Variants in NNT observed in about 807,000 individuals in gnomAD.
NNT encodes nicotinamide nucleotide transhydrogenase.
A neutral mutation model predicts 104.8 loss-of-function variants in NNT; 50 were observed. That is an observed-to-expected ratio of 0.48 (90% confidence interval 0.38 to 0.60). The LOEUF is 0.60. Ranked by LOEUF, NNT falls within the 20% of genes least tolerant of loss-of-function variation. The pLI is 0.00. For synonymous variants in NNT, 461 were observed against 490.4 expected, an observed-to-expected ratio of 0.94 and a Z score of 0.79; for missense variants, 1,131 against 1,330.7, an observed-to-expected ratio of 0.85 and a Z score of 2.33.
intron 15 of NNT, 140 bp downstream of exon 15, chr5:43,656,213 G>A: frequency 1.4e-6 from 1 of 710,336 alleles, no homozygotes; most frequent in East Asian, 2.7e-5. Context: ...AGGCTGAGGT[G>A]GGAGGCTCTC....
intron 5 of NNT, 53 bp downstream of exon 5, chr5:43,619,172 G>C (rs190748205): frequency 1.2e-4 from 118 of 1,018,654 alleles, no homozygotes; most frequent in African/African-American, 1.1e-3. Context: ...AAAGGAAAGG[G>C]TATGTATAGT....
chr5:43,621,642 C>A (rs1441236055), intron 5 of NNT, among the ~76,000 whole-genome samples: 2 of 151,902 alleles, frequency 1.3e-5, no homozygotes, highest in African/African-American at 2.4e-5. Flanking sequence ...TGAGCTCAAA[C>A]AATCTTCCTG....
intron 17 of NNT, among the ~76,000 whole-genome samples, chr5:43,664,882 T>C (rs1379870151): frequency 6.6e-6 from 1 of 152,214 alleles, no homozygotes; most frequent in Non-Finnish European, 1.5e-5. Flanking sequence ...AGCTTAATGG[T>C]GATGTAATTG....
chr5:43,698,819 C>T (rs1422559972), intron 19 of NNT, among the ~76,000 whole-genome samples: 1 of 151,218 alleles, frequency 6.6e-6, no homozygotes, highest in African/African-American at 2.4e-5. Flanking sequence ...TATATGCATA[C>T]ATACACATAT....
In NNT at chr5:43,626,808, A is replaced by G. The variant is rs1208711744; in HGVS notation, c.777-1392A>G. On this transcript the variant is annotated intron_variant, in intron 6 of 21. Transcript: ENST00000344920. ...TATATGTATGTGTATATATATGTAT[A>G]TGTGTATATATAATATATATGTCTG... Among the ~76,000 whole-genome samples, 3 of 150,678 alleles carry G rather than the reference A, an allele frequency of 2.0e-5. No homozygotes were observed. In the South Asian group the frequency reaches 6.3e-4, roughly 31 times the overall value.
At chr5:43,665,628 A>T (rs940925791) in intron 17 of NNT, among the ~76,000 whole-genome samples, 1 of 152,178 alleles carries the variant, frequency 6.6e-6, no homozygotes, top group Admixed American at 6.5e-5. Context: ...TCCTATGTCT[A>T]CTTCTTCCTA....
At chr5:43,670,175 C>T (rs931006384) in intron 17 of NNT, among the ~76,000 whole-genome samples, 4 of 152,098 alleles carry the variant, frequency 2.6e-5, no homozygotes, top group Non-Finnish European at 5.9e-5. Flanking sequence ...TGTCTCTTTT[C>T]TTATTTATTA....
At chr5:43,608,645 G>C (rs1284186948) in intron 1 of NNT, among the ~76,000 whole-genome samples, 1 of 152,192 alleles carries the variant, frequency 6.6e-6, no homozygotes, top group Admixed American at 6.5e-5. Flanking sequence ...CTGCTGCACT[G>C]AACAGGATGT....
intron 1 of NNT, among the ~76,000 whole-genome samples, chr5:43,608,597 A>T (rs559176574): frequency 2.0e-5 from 3 of 152,318 alleles, no homozygotes; most frequent in African/African-American, 7.2e-5. Context: ...TTGTTCACTC[A>T]GTCAGCCTCA....
In NNT at chr5:43,655,972, C is replaced by T. The variant is rs75710404; in HGVS notation, c.2192C>T (p.Thr731Met). 7.7e-3 allele frequency: 12,456 copies of T among 1,614,130 alleles called. 60 individuals carry two copies. The highest frequency in any genetic ancestry group is 0.016 in the Middle Eastern group (100 of 6,062). Residue 731 changes from threonine to methionine, a missense_variant, in exon 15 of 22, where the codon ACG becomes ATG. Coordinates refer to ENST00000344920, the MANE Select transcript of NNT (RefSeq NM_182977.3). ...ATTATAGAATATCCACATTTTGCTACGGATGCAGCAGCAAATCTCACCAAG... is the reference window on the plus strand; with the variant it reads ...ATTATAGAATATCCACATTTTGCTATGGATGCAGCAGCAAATCTCACCAAG... ...EYIIEYPHFA[T>M]DAAANLTKIV...
chr5:43,669,188 A>G (rs1217336650), intron 17 of NNT, among the ~76,000 whole-genome samples: 6 of 151,952 alleles, frequency 3.9e-5, no homozygotes, highest in Admixed American at 6.6e-5. Flanking sequence ...GGGCTGAGAC[A>G]ATGGGGTTTT....
intron 19 of NNT, among the ~76,000 whole-genome samples, chr5:43,699,785 C>T (rs1452433888): frequency 1.3e-5 from 2 of 152,088 alleles, no homozygotes; most frequent in Middle Eastern, 3.4e-3. Context: ...CAATATTTAC[C>T]AGAAAGTATG....
At chr5:43,630,816 G>A (rs953112520) in intron 7 of NNT, among the ~76,000 whole-genome samples, 1 of 152,148 alleles carries the variant, frequency 6.6e-6, no homozygotes, top group Non-Finnish European at 1.5e-5. Flanking sequence ...CTTTCTGAAA[G>A]AAAGTGGGTC....
intron 19 of NNT, among the ~76,000 whole-genome samples, chr5:43,699,484 G>C (rs1452075561): frequency 6.6e-6 from 1 of 151,372 alleles, no homozygotes; most frequent in East Asian, 1.9e-4. Flanking sequence ...CTCCTGAGTA[G>C]CTGGGATTAC....
intron 17 of NNT, among the ~76,000 whole-genome samples, chr5:43,669,774 A>G (rs1013296450): frequency 9.2e-5 from 14 of 152,170 alleles, no homozygotes; most frequent in African/African-American, 3.4e-4. Context: ...AGGCTTTGGT[A>G]TCAGGATGAT....
intron 17 of NNT, among the ~76,000 whole-genome samples, chr5:43,670,825 T>G (rs552030233): frequency 6.6e-6 from 1 of 152,306 alleles, no homozygotes; most frequent in East Asian, 1.9e-4. Flanking sequence ...CGCGTTAAAC[T>G]CCTGGATATC....
chr5:43,651,652 A>G (rs1288911179), intron 12 of NNT, 87 bp from the exon 13 acceptor site: 10 of 1,420,142 alleles, frequency 7.0e-6, no homozygotes, highest in Non-Finnish European at 9.8e-6. Context: ...TGTGCTTAAA[A>G]CAGAAAAATT....
intron 6 of NNT, 132 bp downstream of exon 6, chr5:43,624,252 G>GT: frequency 1.3e-6 from 1 of 780,876 alleles, no homozygotes; most frequent in Admixed American, 2.1e-5. Context: ...ATTTAAAAAT[G>GT]TTTCCACTTT....
chr5:43,700,524 A>C (rs1176055184), intron 20 of NNT, among the ~76,000 whole-genome samples: 2 of 152,204 alleles, frequency 1.3e-5, no homozygotes, highest in African/African-American at 4.8e-5. Context: ...ATCTGGGCAG[A>C]CCTGGCTTTT....
Sources: allele counts gnomAD v4.1 joint callset (sites outside exome capture counted in the v4.1 genomes callset), GRCh38; gene constraint gnomAD v4.1.1; transcripts MANE v1.5; gene names NCBI Gene and HGNC (gene_info 2026-07-23, HGNC 2026-07-21).